The following TNRC6B variants were observed in gnomAD, a reference collection of about 807,000 sequenced individuals.
TNRC6B encodes trinucleotide repeat containing adaptor 6B, also known as trinucleotide repeat-containing gene 6B protein.
In TNRC6B, 52 loss-of-function variants were observed where a neutral mutation model predicts 203.6. The ratio of observed to expected loss-of-function variants is 0.26; its 90% CI spans 0.20 to 0.32. The LOEUF (loss-of-function observed/expected upper bound fraction) is 0.32. Among genes scored for constraint, TNRC6B ranks in the 10% least tolerant of loss-of-function variants. TNRC6B has a pLI of 1.00. For missense variants in TNRC6B, 1,923 were observed against 2,286.2 expected (o/e 0.84, Z 3.24); for synonymous variants, 838 against 845.7 (o/e 0.99, Z 0.16).
chr22:40,312,378 G>T, intron 17 of TNRC6B, 127 bp from the exon 18 acceptor site: 1 of 1,019,206 alleles, frequency 9.8e-7, no homozygotes, highest in Non-Finnish European at 1.4e-6. Context: ...ATTTTGTGAT[G>T]AAAATCTAAG....
intron 1 of TNRC6B, among the ~76,000 whole-genome samples, chr22:40,191,999 C>T (rs1254361007): frequency 6.6e-6 from 1 of 152,162 alleles, no homozygotes; most frequent in African/African-American, 2.4e-5. Flanking sequence ...GATCCACCTG[C>T]CTTACAGACG....
chr22:40,109,140 T>G (rs1327745576), intron 1 of TNRC6B, among the ~76,000 whole-genome samples: 1 of 152,222 alleles, frequency 6.6e-6, no homozygotes, highest in Non-Finnish European at 1.5e-5. Flanking sequence ...TGCATAGTAT[T>G]CCATGATGTA....
At chr22:40,143,041 A>G (rs896318308) in intron 3 of TNRC6B, among the ~76,000 whole-genome samples, 1 of 152,218 alleles carries the variant, frequency 6.6e-6, no homozygotes, top group Non-Finnish European at 1.5e-5. Context: ...ATTTCTTGGT[A>G]ACATGCAAAA....
In TNRC6B at chr22:40,137,975, T is replaced by G. The variant is rs1051536098; in HGVS notation, c.45+12113T>G. On this transcript the variant is annotated intron_variant, in intron 3 of 23. Transcript: ENST00000301923. Reference sequence around the variant, plus strand: ...TCCAGCCTGGACAACAAAGCTAGACTGTATCTCAAAAAAAAAAAAAAAAAG... The same window carrying G: ...TCCAGCCTGGACAACAAAGCTAGACGGTATCTCAAAAAAAAAAAAAAAAAG... 1.1e-4 allele frequency among the ~76,000 whole-genome samples: 16 copies of G among 140,550 alleles called. No homozygotes were observed. The South Asian group carries it at 1.9e-3, about 17-fold the overall frequency. 92.2% of individuals were successfully genotyped at this position (140,550 alleles called of 152,430 possible). A position where few individuals can be genotyped will look rare whatever the true frequency, so the allele number is the denominator to read the frequency against.
chr22:40,059,485 T>C (rs530715580), intron 1 of TNRC6B, among the ~76,000 whole-genome samples: 4 of 152,376 alleles, frequency 2.6e-5, no homozygotes, highest in African/African-American at 9.6e-5. Context: ...TCGAGTACCA[T>C]GCTGAACAGA....
intron 1 of TNRC6B, among the ~76,000 whole-genome samples, chr22:40,182,811 G>A (rs1353858311): frequency 6.6e-6 from 1 of 152,152 alleles, no homozygotes; most frequent in Non-Finnish European, 1.5e-5. Context: ...TGACTTGATA[G>A]TCACTTTATT....
intron 12 of TNRC6B, among the ~76,000 whole-genome samples, chr22:40,297,172 G>A (rs191809529): frequency 3.3e-5 from 5 of 152,262 alleles, no homozygotes; most frequent in Admixed American, 6.5e-5. Context: ...TTAACAGGCC[G>A]TTTGACAACT....
At chr22:40,143,798 G>GAATACATCTTTCTAATAAAAGTCTGC (rs1032591739) in intron 3 of TNRC6B, among the ~76,000 whole-genome samples, 3 of 152,142 alleles carry the variant, frequency 2.0e-5, no homozygotes, top group South Asian at 2.1e-4. Flanking sequence ...GCCCGGCCTG[G>GAATACATCTTTCTAATAAAAGTCTGC]AATACATCTT....
chr22:40,308,612 C>G lies in TNRC6B; in HGVS notation c.4221C>G (p.Pro1407=), dbSNP rs1428531886. 1 of 1,613,794 alleles carries G rather than the reference C, an allele frequency of 6.2e-7. No individual in the cohort carries two copies. Among genetic ancestry groups the G allele is most frequent in the Non-Finnish European group, 8.5e-7 (1 of 1,179,866 alleles). ...KQWTSMMEGL[P]SVATQEANMH... ...GGACCTCCATGATGGAGGGGCTGCCCTCTGTAGCCACACAGGAAGCCAATA... is the reference window on the plus strand; with the variant it reads ...GGACCTCCATGATGGAGGGGCTGCCGTCTGTAGCCACACAGGAAGCCAATA... Residue 1407 remains proline, a synonymous_variant, in exon 16 of 23, where the codon CCC becomes CCG. Coordinates refer to ENST00000454349, the MANE Select transcript of TNRC6B (RefSeq NM_001162501.2).
Position 40,266,341 on chromosome 22 carries a change from ACAACTCTTC to A in TNRC6B, c.2117_2125del (p.Ser706_Asn708del). 1.2e-6 allele frequency: 2 copies of A among 1,607,854 alleles called. No individual in the cohort carries two copies. The highest frequency in any genetic ancestry group is 1.7e-6 in the Non-Finnish European group (2 of 1,176,916). Reference sequence around the variant, plus strand: ...GGAGGCTGGAATGACTACAAGAACAACAACTCTTCCAACTGGGGAGGAGGACGACCTGAT... The same window carrying A: ...GGAGGCTGGAATGACTACAAGAACAACAACTGGGGAGGAGGACGACCTGAT... On this transcript the variant is annotated inframe_deletion, in exon 5 of 23. Coordinates refer to ENST00000454349, the MANE Select transcript of TNRC6B (RefSeq NM_001162501.2).
At chr22:40,213,962 G>T (rs2069598382) in intron 1 of TNRC6B, among the ~76,000 whole-genome samples, 1 of 152,144 alleles carries the variant, frequency 6.6e-6, no homozygotes. Context: ...AAAGATGCCT[G>T]TGGCTATAAA....
At chr22:40,060,934 A>G (rs541021710) in intron 1 of TNRC6B, among the ~76,000 whole-genome samples, 4 of 152,320 alleles carry the variant, frequency 2.6e-5, no homozygotes, top group African/African-American at 9.6e-5. Context: ...ACCGCATGGT[A>G]GGTAGAGTTT....
chr22:40,075,156 A>ATTTTTTTTTTTTTTTTTTTT (rs58240994), intron 1 of TNRC6B, among the ~76,000 whole-genome samples: 79 of 35,560 alleles, frequency 2.2e-3, no homozygotes, highest in East Asian at 3.8e-3. Context: ...ATATATATAT[A>ATTTTTTTTTTTTTTTTTTTT]TTTTTTTTTT....
At chr22:40,126,362 T>C (rs2068493036) in intron 3 of TNRC6B, among the ~76,000 whole-genome samples, 1 of 152,100 alleles carries the variant, frequency 6.6e-6, no homozygotes, top group Admixed American at 6.6e-5. Context: ...GTGAGCATAG[T>C]ACCCAAGAGC....
At chr22:40,205,140 C>G (rs1024972090) in intron 1 of TNRC6B, among the ~76,000 whole-genome samples, 1 of 152,228 alleles carries the variant, frequency 6.6e-6, no homozygotes, top group Non-Finnish European at 1.5e-5. Context: ...CTGGGCCACA[C>G]TGGAGTGTGC....
intron 1 of TNRC6B, among the ~76,000 whole-genome samples, chr22:40,079,799 A>AT (rs530463623): frequency 1.5e-3 from 227 of 149,882 alleles, no homozygotes; most frequent in African/African-American, 5.0e-3. Context: ...TTTTTTTATT[A>AT]TTTTTTTATT....
intron 1 of TNRC6B, among the ~76,000 whole-genome samples, chr22:40,050,784 T>G (rs762807347): frequency 2.6e-5 from 4 of 152,040 alleles, no homozygotes; most frequent in Non-Finnish European, 5.9e-5. Context: ...TCTGGGCTTT[T>G]GCTTTTGTTA....
intron 1 of TNRC6B, among the ~76,000 whole-genome samples, chr22:40,235,558 A>G (rs567638071): frequency 2.0e-5 from 3 of 152,342 alleles, no homozygotes; most frequent in African/African-American, 7.2e-5. Context: ...AGTCTTGGAA[A>G]TAGGCCAGAG....
intron 3 of TNRC6B, among the ~76,000 whole-genome samples, chr22:40,253,144 C>T (rs1204762108): frequency 4.0e-5 from 6 of 149,938 alleles, no homozygotes; most frequent in Admixed American, 1.3e-4. Flanking sequence ...GTCACCCAGG[C>T]GATCTCGGCT....
Sources: gnomAD v4.1 joint callset for allele counts (sites outside exome capture counted in the v4.1 genomes callset) on GRCh38, gnomAD v4.1.1 for gene constraint, MANE v1.5 for transcripts, NCBI Gene and HGNC (gene_info 2026-07-23, HGNC 2026-07-21) for gene names.